Variants in GNB1L observed in about 807,000 individuals in gnomAD.
GNB1L encodes the protein G protein subunit beta 1 like, also known as guanine nucleotide-binding protein subunit beta-like protein 1.
Under a neutral mutation model 29.1 loss-of-function variants are expected in GNB1L, and 20 were observed. The ratio of observed to expected loss-of-function variants is 0.69; its 90% CI spans 0.48 to 1.00. GNB1L has a LOEUF of 1.00. Ranked by LOEUF, GNB1L falls within the 50% of genes least tolerant of loss-of-function variation. The pLI, the probability that GNB1L is intolerant of heterozygous loss-of-function variation, is 0.00. For missense variants in GNB1L, 421 were observed against 464.9 expected, an observed-to-expected ratio of 0.91 and a Z score of 0.87; for synonymous variants, 193 against 206.5, an observed-to-expected ratio of 0.93 and a Z score of 0.56.
At chr22:19,799,335 C>T (rs1272073478) in intron 7 of GNB1L, among the ~76,000 whole-genome samples, 1 of 152,214 alleles carries the variant, frequency 6.6e-6, no homozygotes, top group African/African-American at 2.4e-5. Context: ...ACGGGAAAGC[C>T]GCCTCAGCAA....
chr22:19,824,389 G>A (rs1005444974), intron 2 of GNB1L, among the ~76,000 whole-genome samples: 1 of 152,216 alleles, frequency 6.6e-6, no homozygotes, highest in African/African-American at 2.4e-5. Flanking sequence ...GGTGGCCCCG[G>A]CCCAGCCCCG....
chr22:19,845,404 C>T (rs1377827559), intron 2 of GNB1L, among the ~76,000 whole-genome samples: 1 of 152,242 alleles, frequency 6.6e-6, no homozygotes, highest in African/African-American at 2.4e-5. Context: ...AAACACTCCC[C>T]AGTCCCCTGC....
intron 2 of GNB1L, chr22:19,852,024 C>T (rs1297917989): frequency 1.9e-6 from 3 of 1,614,060 alleles, no homozygotes; most frequent in African/African-American, 1.3e-5. Flanking sequence ...GCTAGGGGAC[C>T]CCTTTCTGCA....
At chr22:19,833,035 T>C (rs1937706305) in intron 2 of GNB1L, among the ~76,000 whole-genome samples, 1 of 152,188 alleles carries the variant, frequency 6.6e-6, no homozygotes, top group South Asian at 2.1e-4. Flanking sequence ...TCTAACTGGG[T>C]TGACTGCCTG....
At position 19,786,707 on chromosome 22, in the gene GNB1L, C is replaced by A. The variant is rs1338644261; in HGVS notation, c.*2002G>T. On this transcript the variant is annotated 3_prime_UTR_variant, in exon 8 of 8. Coordinates refer to ENST00000329517, the MANE Select transcript of GNB1L (RefSeq NM_053004.3). ...CCAATTCCCACTCCACCTACCCTGC[C>A]GCTGTCATGGGGATGTCAGAACCTG... 3 of 152,228 alleles carry A rather than the reference C, an allele frequency of 2.0e-5. No individual in the cohort carries two copies. The highest frequency in any genetic ancestry group is 4.4e-5 in the Non-Finnish European group (3 of 68,048). 9.4% of individuals were successfully genotyped at this position (152,228 alleles called of 1,614,324 possible). A position where few individuals can be genotyped will look rare whatever the true frequency, so the allele number is the denominator to read the frequency against.
Position 19,821,268 on chromosome 22 carries a change from C to T in GNB1L, c.88G>A (p.Glu30Lys), listed in dbSNP as rs35178436. The T allele has an allele frequency of 3.3e-3, 5,335 of 1,613,176 alleles. 156 individuals are homozygous for T. The African/African-American group carries it at 0.063, about 19-fold the overall frequency. The change falls in exon 3 of 8, where the codon GAA becomes AAA. Residue 30 changes from glutamate to lysine, a missense_variant. Glu to Lys is a moderately conservative substitution (Grantham distance 56). Transcript: ENST00000329517. The stretch of plus-strand genomic sequence containing the variant: ...GGGCGCCCCTGAGCCTGGGCTCCTT[C>T]GCAGAAGTGCAGCGCATGCACCGGT... The part of the protein sequence containing the change: ...QSPVHALHFC[E>K]GAQAQGRPLL...
intron 2 of GNB1L, among the ~76,000 whole-genome samples, chr22:19,821,657 C>T (rs867585814): frequency 2.6e-5 from 4 of 152,198 alleles, no homozygotes; most frequent in Admixed American, 6.5e-5. Context: ...CAGCCCTCCT[C>T]GCACCGTGCC....
intron 6 of GNB1L, among the ~76,000 whole-genome samples, chr22:19,805,305 G>C (rs896185036): frequency 1.3e-5 from 2 of 152,234 alleles, no homozygotes; most frequent in African/African-American, 4.8e-5. Context: ...TGGAGAGAGA[G>C]AAAAGCTGGG....
chr22:19,824,388 G>A (rs549200587), intron 2 of GNB1L, among the ~76,000 whole-genome samples: 7 of 152,290 alleles, frequency 4.6e-5, no homozygotes, highest in South Asian at 4.1e-4. Flanking sequence ...CGGTGGCCCC[G>A]GCCCAGCCCC....
chr22:19,792,840 A>G, intron 7 of GNB1L: 20 of 1,212,422 alleles, frequency 1.6e-5, no homozygotes, highest in Non-Finnish European at 2.4e-5. Context: ...CCCTTACTGC[A>G]TTATCAAGGG....
intron 7 of GNB1L, among the ~76,000 whole-genome samples, chr22:19,795,986 A>G (rs1937301864): frequency 1.3e-5 from 2 of 151,416 alleles, no homozygotes; most frequent in South Asian, 4.1e-4. Flanking sequence ...ACGACATGCA[A>G]TCATCGATGT....
chr22:19,809,888 C>T (rs1258297222), intron 5 of GNB1L, among the ~76,000 whole-genome samples: 3 of 152,218 alleles, frequency 2.0e-5, no homozygotes, highest in African/African-American at 7.2e-5. Flanking sequence ...AACCCTCCCA[C>T]CTCAGCCTCC....
At chr22:19,846,790 G>C (rs539078876) in intron 2 of GNB1L, 20 of 460,794 alleles carry the variant, frequency 4.3e-5, no homozygotes, top group African/African-American at 2.5e-4. Context: ...CAAGGAGCGA[G>C]GCCTCAGGAG....
intron 5 of GNB1L, among the ~76,000 whole-genome samples, chr22:19,807,868 G>A (rs1937454147): frequency 2.0e-5 from 3 of 152,214 alleles, no homozygotes. Context: ...CCCCAAGTCT[G>A]AATCCCAGAT....
intron 7 of GNB1L, among the ~76,000 whole-genome samples, chr22:19,789,632 C>T (rs1251662059): frequency 6.6e-6 from 1 of 152,024 alleles, no homozygotes; most frequent in African/African-American, 2.4e-5. Context: ...GACCCGGAGC[C>T]ACACAGACAG....
chr22:19,813,441 T>C (rs1483401745), intron 4 of GNB1L, among the ~76,000 whole-genome samples: 2 of 152,154 alleles, frequency 1.3e-5, no homozygotes, highest in Non-Finnish European at 2.9e-5. Flanking sequence ...CTCAGCACTG[T>C]GGGAGGCCGA....
chr22:19,792,254 A>T, intron 7 of GNB1L: 1 of 638,944 alleles, frequency 1.6e-6, no homozygotes. Flanking sequence ...CTCCTTAACT[A>T]TGTTCAAAAA....
At chr22:19,797,955 G>A (rs1266836447) in intron 7 of GNB1L, among the ~76,000 whole-genome samples, 1 of 152,150 alleles carries the variant, frequency 6.6e-6, no homozygotes, top group Non-Finnish European at 1.5e-5. Context: ...GGCTCTGGGG[G>A]TCTCGGCGGT....
At chr22:19,831,488 G>A (rs924410908) in intron 2 of GNB1L, among the ~76,000 whole-genome samples, 5 of 151,522 alleles carry the variant, frequency 3.3e-5, no homozygotes, top group South Asian at 2.1e-4. Flanking sequence ...TCAGGAGATC[G>A]AGATCACCCT....
Sources: allele counts gnomAD v4.1 joint callset (sites outside exome capture counted in the v4.1 genomes callset), GRCh38; gene constraint gnomAD v4.1.1; transcripts MANE v1.5; gene names NCBI Gene and HGNC (gene_info 2026-07-23, HGNC 2026-07-21).